Variants in TSHZ2 observed in about 807,000 individuals in gnomAD.
TSHZ2 encodes teashirt homolog 2.
Under a neutral mutation model 74.4 loss-of-function variants are expected in TSHZ2, and 21 were observed. The observed-to-expected ratio is 0.28, with a 90% CI of 0.20 to 0.41. The LOEUF is 0.41. Ranked by LOEUF, TSHZ2 falls within the 10% of genes least tolerant of loss-of-function variation. The pLI is 1.00. For synonymous variants in TSHZ2, 540 were observed against 515.3 expected, an observed-to-expected ratio of 1.05 and a Z score of -0.65; for missense variants, 1,244 against 1,293.5, an observed-to-expected ratio of 0.96 and a Z score of 0.59.
At chr20:53,213,547 G>A (rs1234285440) in intron 1 of TSHZ2, among the ~76,000 whole-genome samples, 2 of 152,080 alleles carry the variant, frequency 1.3e-5, no homozygotes. Flanking sequence ...TGGGTAAAGC[G>A]AGGCTGCACA....
intron 2 of TSHZ2, among the ~76,000 whole-genome samples, chr20:53,471,487 G>A (rs901364406): frequency 2.0e-5 from 3 of 152,152 alleles, no homozygotes; most frequent in African/African-American, 7.2e-5. Context: ...AGTCTTATAA[G>A]GACACTGCAA....
At chr20:53,284,701 C>G in intron 2 of TSHZ2, among the ~76,000 whole-genome samples, 1 of 151,724 alleles carries the variant, frequency 6.6e-6, no homozygotes, top group Non-Finnish European at 1.5e-5. Flanking sequence ...GGGATTTTCC[C>G]CCCTACACGC....
intron 2 of TSHZ2, among the ~76,000 whole-genome samples, chr20:53,440,460 C>G (rs548937044): frequency 1.6e-3 from 243 of 152,292 alleles, no homozygotes; most frequent in Non-Finnish European, 2.6e-3. Context: ...TTTCTGTCGT[C>G]CTTAATTCTT....
At chr20:53,003,511 C>T (rs1296626868) in intron 1 of TSHZ2, among the ~76,000 whole-genome samples, 2 of 152,128 alleles carry the variant, frequency 1.3e-5, no homozygotes, top group East Asian at 3.9e-4. Context: ...TGTGTCAGCC[C>T]TATGGAGAAA....
intron 1 of TSHZ2, among the ~76,000 whole-genome samples, chr20:53,001,522 C>T (rs898905949): frequency 9.2e-5 from 14 of 152,022 alleles, no homozygotes; most frequent in African/African-American, 3.4e-4. Flanking sequence ...AAGGAAGACC[C>T]CTTGCTTCAC....
At chr20:53,072,208 G>A (rs529925572) in intron 1 of TSHZ2, among the ~76,000 whole-genome samples, 4 of 152,320 alleles carry the variant, frequency 2.6e-5, no homozygotes, top group African/African-American at 9.6e-5. Context: ...GGTTGGAGCA[G>A]AAGTAGTTTG....
At chr20:53,083,537 G>A (rs898926521) in intron 1 of TSHZ2, among the ~76,000 whole-genome samples, 7 of 152,150 alleles carry the variant, frequency 4.6e-5, no homozygotes, top group South Asian at 4.1e-4. Context: ...ATATGATCAG[G>A]TTACCTGATA....
intron 2 of TSHZ2, among the ~76,000 whole-genome samples, chr20:53,381,673 T>C (rs1981864150): frequency 6.6e-6 from 1 of 152,298 alleles, no homozygotes; most frequent in East Asian, 1.9e-4. Flanking sequence ...CCCACTTGCC[T>C]TCACTTGGAT....
intron 1 of TSHZ2, among the ~76,000 whole-genome samples, chr20:53,164,531 A>T (rs1988022334): frequency 6.6e-6 from 1 of 152,172 alleles, no homozygotes; most frequent in African/African-American, 2.4e-5. Context: ...GTGATGATGG[A>T]AATACCCTCT....
At chr20:53,037,764 G>A (rs1983873459) in intron 1 of TSHZ2, among the ~76,000 whole-genome samples, 1 of 152,106 alleles carries the variant, frequency 6.6e-6, no homozygotes, top group Non-Finnish European at 1.5e-5. Context: ...GACTTGTTTC[G>A]GCAGTGCCTG....
intron 2 of TSHZ2, among the ~76,000 whole-genome samples, chr20:53,299,802 T>C (rs1991446830): frequency 6.6e-6 from 1 of 152,214 alleles, no homozygotes; most frequent in Non-Finnish European, 1.5e-5. Flanking sequence ...CAATTCATTT[T>C]GCAACTTAAT....
At chr20:53,273,729 G>A (rs915700739) in intron 2 of TSHZ2, among the ~76,000 whole-genome samples, 8 of 152,182 alleles carry the variant, frequency 5.3e-5, no homozygotes, top group African/African-American at 1.9e-4. Context: ...TGGAGGCGGT[G>A]AGCATGGGAA....
At chr20:53,388,688 G>A (rs897936441) in intron 2 of TSHZ2, among the ~76,000 whole-genome samples, 4 of 147,598 alleles carry the variant, frequency 2.7e-5, no homozygotes, top group East Asian at 2.0e-4. Flanking sequence ...AGCAATTCTC[G>A]TACCTCAGCC....
In TSHZ2 at chr20:53,227,770, T is replaced by C. The variant is rs923667784; in HGVS notation, c.41-25729T>C. On this transcript the variant is annotated intron_variant, in intron 1 of 2. Coordinates refer to ENST00000371497, the MANE Select transcript of TSHZ2 (RefSeq NM_173485.6). ...CTTGCTCTGATACACTAAACATTTG[T>C]CTGATGTTAGTTGAACTTGAATGGA... Among the ~76,000 whole-genome samples the C allele has an allele frequency of 1.2e-4, 18 of 152,302 alleles. No individual in the cohort carries two copies. The South Asian group carries it at 3.1e-3, about 26-fold the overall frequency.
intron 1 of TSHZ2, among the ~76,000 whole-genome samples, chr20:53,009,435 T>A (rs1444013146): frequency 6.6e-6 from 1 of 152,192 alleles, no homozygotes; most frequent in Non-Finnish European, 1.5e-5. Flanking sequence ...AAACCGTGTG[T>A]GCAAAGAGAT....
chr20:52,980,837 G>T (rs1397466536), intron 1 of TSHZ2, among the ~76,000 whole-genome samples: 1 of 152,088 alleles, frequency 6.6e-6, no homozygotes, highest in Non-Finnish European at 1.5e-5. Context: ...TGAGAGCAGT[G>T]GCATATAAAT....
intron 1 of TSHZ2, among the ~76,000 whole-genome samples, chr20:53,050,484 A>C (rs1984421661): frequency 6.6e-6 from 1 of 152,178 alleles, no homozygotes; most frequent in Admixed American, 6.5e-5. Flanking sequence ...TTGACTCAAT[A>C]ACGACTCAGC....
rs10485446 is a variant in TSHZ2 at position 53,406,253 on chromosome 20, T to C, written c.*9-80891T>C. Among the ~76,000 whole-genome samples the C allele has an allele frequency of 5.5e-3, 832 of 152,210 alleles. 13 individuals carry two copies. Among genetic ancestry groups the C allele is most frequent in the East Asian group, 0.018 (94 of 5,168 alleles). ...ATCAAAGGGAGCAGGATCACAAAGA[T>C]GGCGGTAAAAAGATGGCACCATCTA... On this transcript the variant is annotated intron_variant, in intron 2 of 2. Transcript: ENST00000371497.
intron 2 of TSHZ2, among the ~76,000 whole-genome samples, chr20:53,420,887 G>T (rs142564675): frequency 8.5e-5 from 13 of 152,340 alleles, no homozygotes; most frequent in East Asian, 7.7e-4. Context: ...GGGAAGTCTT[G>T]CAGTAAAGTC....
Sources: gnomAD v4.1 joint callset for allele counts (sites outside exome capture counted in the v4.1 genomes callset) on GRCh38, gnomAD v4.1.1 for gene constraint, MANE v1.5 for transcripts, NCBI Gene and HGNC (gene_info 2026-07-23, HGNC 2026-07-21) for gene names.